The following PPT1 variants were observed in gnomAD, a reference collection of about 807,000 sequenced individuals.
PPT1 encodes the protein palmitoyl-protein thioesterase 1, also known as ceroid-palmitoyl-palmitoyl-protein thioesterase 1.
In PPT1, 24 loss-of-function variants were observed where a neutral mutation model predicts 44.0. The observed-to-expected ratio is 0.54, with a 90% CI of 0.39 to 0.77. PPT1 has a LOEUF of 0.77. PPT1 is among the 30% of genes least tolerant of loss of function. The pLI is 0.00. For synonymous variants in PPT1, 148 were observed against 140.2 expected, an observed-to-expected ratio of 1.06 and a Z score of -0.39; for missense variants, 341 against 378.8, an observed-to-expected ratio of 0.90 and a Z score of 0.83.
intron 8 of PPT1, 98 bp downstream of exon 8, chr1:40,076,744 T>G (rs1469889774): frequency 6.2e-7 from 1 of 1,603,438 alleles, no homozygotes; most frequent in East Asian, 2.2e-5. Context: ...TGCTCTGAGG[T>G]GTAAAGGAAA....
downstream of PPT1, chr1:40,072,262 A>AG (rs1242563873): frequency 1.0e-5 from 3 of 292,546 alleles, no homozygotes; most frequent in Non-Finnish European, 1.7e-5. Flanking sequence ...GAAAAAAAAA[A>AG]AAAAAAAAAC....
At chr1:40,080,781 G>A (rs1648893681) in intron 5 of PPT1, among the ~76,000 whole-genome samples, 1 of 152,156 alleles carries the variant, frequency 6.6e-6, no homozygotes, top group South Asian at 2.1e-4. Context: ...GGCTGAGGCA[G>A]GAGAACTGCT....
In PPT1 at chr1:40,080,499, A is replaced by G. The variant is rs1057515556; in HGVS notation, c.537-12T>C. ...CGGCTTGCACGAGGCTGTAGGAAAAAAAAAGAATGAGGTGATCAAGCTACA... is the reference window on the plus strand; with the variant it reads ...CGGCTTGCACGAGGCTGTAGGAAAAGAAAAGAATGAGGTGATCAAGCTACA... On this transcript the variant is annotated splice_polypyrimidine_tract_variant and intron_variant, in intron 5 of 8. Transcript: ENST00000642050. 49 of 1,612,308 alleles carry G rather than the reference A, an allele frequency of 3.0e-5. No individual in the cohort carries two copies. Among genetic ancestry groups the G allele is most frequent in the Non-Finnish European group, 4.0e-5 (47 of 1,178,678 alleles).
intron 5 of PPT1, among the ~76,000 whole-genome samples, chr1:40,083,715 C>G (rs1421109117): frequency 6.6e-6 from 1 of 152,030 alleles, no homozygotes; most frequent in East Asian, 1.9e-4. Flanking sequence ...TTTGATGCAT[C>G]TGGGCAAAGT....
rs932228782 is a variant in PPT1 at position 40,092,124 on chromosome 1, C to T, written c.283G>A (p.Val95Met). Residue 95 changes from valine (V) to methionine (M), a missense_variant, in exon 3 of 9, where the codon GTG (valine) becomes ATG (methionine). By Grantham distance (21) the Val-to-Met change is conservative (BLOSUM62 1). Coordinates refer to ENST00000642050, the MANE Select transcript of PPT1 (RefSeq NM_000310.4). ...FLNVNSQVTT[V>M]CQALAKDPKL... The stretch of plus-strand genomic sequence containing the variant: ...GGATCCTTAGCAAGTGCCTGACACA[C>T]TGTTGTTACTTGGGAATTGACATTC... 4 of 1,613,974 alleles carry T rather than the reference C, an allele frequency of 2.5e-6. No individual in the cohort carries two copies. The highest frequency in any genetic ancestry group is 3.4e-6 in the Non-Finnish European group (4 of 1,179,918).
In PPT1 at chr1:40,096,790, A is replaced by G. The variant is rs146759503; in HGVS notation, c.124+325T>C. On this transcript the variant is annotated intron_variant, in intron 1 of 8. Transcript: ENST00000642050. ...ATAAAAGGGTAGATGCGCCAGTCAT[A>G]TAGCCAGCCGCAGCTCACCTAGCCT... is the stretch of plus-strand genomic sequence containing the variant. 3.6e-3 allele frequency: 1,382 copies of G among 381,452 alleles called. 11 individuals are homozygous for G. Among genetic ancestry groups the G allele is most frequent in the Non-Finnish European group, 4.7e-3 (962 of 203,526 alleles). The allele number at this position is 381,452 out of a possible 1,614,324, so 23.6% of individuals were successfully genotyped here.
chr1:40,080,418 CAAG>C lies in PPT1; in HGVS notation c.603_605del (p.Phe201del), dbSNP rs1481804114. 3 of 1,613,870 alleles carry C rather than the reference CAAG, an allele frequency of 1.9e-6. No individual in the cohort carries two copies. The highest frequency in any genetic ancestry group is 1.6e-4 in the Middle Eastern group (1 of 6,084). On this transcript the variant is annotated inframe_deletion, in exon 6 of 9. Transcript: ENST00000642050. ...TTACCCGCTCCTGATTTATATCTGCCAAGAAGATGCTGTGGTTGCGATACACAT... is the reference window on the plus strand; with the variant it reads ...TTACCCGCTCCTGATTTATATCTGCCAAGATGCTGTGGTTGCGATACACAT...
chr1:40,086,487 T>C (rs957557885), intron 5 of PPT1, among the ~76,000 whole-genome samples: 8 of 152,156 alleles, frequency 5.3e-5, no homozygotes, highest in African/African-American at 1.9e-4. Flanking sequence ...AAGACATCTT[T>C]TGGGGTCTCT....
At chr1:40,083,374 G>A (rs1442707462) in intron 5 of PPT1, among the ~76,000 whole-genome samples, 1 of 152,190 alleles carries the variant, frequency 6.6e-6, no homozygotes, top group African/African-American at 2.4e-5. Context: ...AGGATGGCTT[G>A]AGTCCAGGAG....
chr1:40,091,478 A>G, intron 3 of PPT1, 79 bp from the exon 4 acceptor site: 3 of 1,323,258 alleles, frequency 2.3e-6, no homozygotes, highest in Non-Finnish European at 3.2e-6. Flanking sequence ...AGATTAAGCT[A>G]GTCATCCTCT....
At chr1:40,077,457 C>A (rs550597414) in intron 7 of PPT1, among the ~76,000 whole-genome samples, 1 of 152,144 alleles carries the variant, frequency 6.6e-6, no homozygotes, top group Non-Finnish European at 1.5e-5. Context: ...CTTTATATGT[C>A]CAAATACTTG....
At chr1:40,090,161 T>G (rs373859912) in intron 4 of PPT1, among the ~76,000 whole-genome samples, 15 of 152,036 alleles carry the variant, frequency 9.9e-5, no homozygotes. Context: ...TTCCAAGAGA[T>G]TGGGTCTTGC....
intron 4 of PPT1, among the ~76,000 whole-genome samples, chr1:40,090,279 G>A (rs1396195608): frequency 6.6e-6 from 1 of 152,068 alleles, no homozygotes; most frequent in Non-Finnish European, 1.5e-5. Flanking sequence ...AGCCTCCCAA[G>A]TAGCAGGGAC....
rs1197000679 is a variant in PPT1 at position 40,092,047 on chromosome 1, A to C, written c.360T>G (p.Phe120Leu). Residue 120 changes from phenylalanine to leucine, a missense_variant and splice_region_variant, in exon 3 of 9, where the codon TTT becomes TTG. Phe to Leu is a conservative substitution (Grantham distance 22). Coordinates refer to ENST00000642050, the MANE Select transcript of PPT1 (RefSeq NM_000310.4). ...NAMGFSQGGQ[F>L]LRAVAQRCPS... ...CAATATAACAAAAAGGAACGTACAG[A>C]AATTGGCCTCCCTGGGAGAATCCCA... The C allele has an allele frequency of 6.2e-7, 1 of 1,613,986 alleles. No individual in the cohort carries two copies. The highest frequency in any genetic ancestry group is 1.3e-5 in the African/African-American group (1 of 74,934).
intron 1 of PPT1, among the ~76,000 whole-genome samples, chr1:40,092,911 T>C (rs1649648002): frequency 6.6e-6 from 1 of 152,180 alleles, no homozygotes; most frequent in Admixed American, 6.6e-5. Flanking sequence ...ATGGGACCCC[T>C]TGGACATTGC....
chr1:40,090,822 T>C (rs1649523411), intron 4 of PPT1, among the ~76,000 whole-genome samples: 1 of 120,208 alleles, frequency 8.3e-6, no homozygotes, highest in Non-Finnish European at 1.8e-5. Flanking sequence ...TCCCACATTA[T>C]ACCAGCTAAT....
chr1:40,074,596 T>A (rs1303184593), intron 8 of PPT1, among the ~76,000 whole-genome samples: 1 of 151,688 alleles, frequency 6.6e-6, no homozygotes, highest in African/African-American at 2.4e-5. Context: ...GCCTCATGAG[T>A]AGCTGGAATT....
At position 40,089,286 on chromosome 1, in the gene PPT1, C is replaced by CAAA. The variant is rs10522229; in HGVS notation, c.536+121_536+123dup. On this transcript the variant is annotated intron_variant, in intron 5 of 8. Transcript: ENST00000642050. ...GGGCAACAAGAGCGAAACTCCATCT[C>CAAA]AAAAAAAAAGATCTCATTTGAATAT... The CAAA allele has an allele frequency of 4.0e-5, 15 of 377,434 alleles. No homozygotes were observed. The East Asian group carries it at 6.5e-4, about 16-fold the overall frequency. The allele number at this position is 377,434 out of a possible 1,614,324, so 23.4% of individuals were successfully genotyped here.
At chr1:40,096,379 G>A (rs1032897483) in intron 1 of PPT1, among the ~76,000 whole-genome samples, 17 of 152,098 alleles carry the variant, frequency 1.1e-4, no homozygotes, top group African/African-American at 3.4e-4. Context: ...GCACCTAGTA[G>A]GTGCTCAATA....
Sources: allele counts gnomAD v4.1 joint callset (sites outside exome capture counted in the v4.1 genomes callset), GRCh38; gene constraint gnomAD v4.1.1; transcripts MANE v1.5; gene names NCBI Gene and HGNC (gene_info 2026-07-23, HGNC 2026-07-21).